Variants in DUSP19 observed in about 807,000 individuals in gnomAD.
DUSP19 encodes the protein dual specificity phosphatase 19.
Under a neutral mutation model 16.6 loss-of-function variants are expected in DUSP19, and 14 were observed. That is an observed-to-expected ratio of 0.84 (90% confidence interval 0.56 to 1.32). The LOEUF (loss-of-function observed/expected upper bound fraction) is 1.32. Among genes scored for constraint, DUSP19 ranks in the 40% most tolerant of loss-of-function variants. The probability of loss-of-function intolerance (pLI) is 0.00; values close to 1 mark genes in which losing one functional copy is unlikely to be tolerated. For missense variants in DUSP19, 258 were observed against 255.9 expected, an observed-to-expected ratio of 1.01 and a Z score of -0.06; for synonymous variants, 81 against 90.5, an observed-to-expected ratio of 0.90 and a Z score of 0.59.
At position 183,097,553 on chromosome 2, in the gene DUSP19, C is replaced by T. The variant is rs1426829011; in HGVS notation, c.*1895C>T. Reference sequence around the variant, plus strand: ...AGTTATGTTTTGAGATTGCTTACACCGTGACAAGATGCCATCACTTGTGAT... The same window carrying T: ...AGTTATGTTTTGAGATTGCTTACACTGTGACAAGATGCCATCACTTGTGAT... On this transcript the variant is annotated 3_prime_UTR_variant, in exon 4 of 4. Transcript: ENST00000354221. 12 of 152,080 alleles carry T rather than the reference C, an allele frequency of 7.9e-5. No individual in the cohort carries two copies. Among genetic ancestry groups the T allele is most frequent in the Admixed American group, 6.5e-4 (10 of 15,270 alleles). The allele number at this position is 152,080 out of a possible 1,614,324, so 9.4% of individuals were successfully genotyped here.
rs143859220 is a variant in DUSP19, at chr2:183,082,826, G to C, written c.227-682G>C. 3.6e-3 allele frequency among the ~76,000 whole-genome samples: 492 copies of C among 135,488 alleles called. 2 individuals carry two copies. The highest frequency in any genetic ancestry group is 0.012 in the African/African-American group (437 of 37,026). The allele number at this position is 135,488 out of a possible 152,430, so 88.9% of individuals were successfully genotyped here. ...TTCCCTTTTGTTCGTTCGTTCGTTC[G>C]TTCCTTCCTTCCTCCCTCCCTCCCT... On this transcript the variant is annotated intron_variant, in intron 1 of 3. Coordinates refer to ENST00000354221, the MANE Select transcript of DUSP19 (RefSeq NM_080876.4).
chr2:183,088,410 G>T (rs142050202), intron 3 of DUSP19, among the ~76,000 whole-genome samples: 756 of 117,838 alleles, frequency 6.4e-3, no homozygotes, highest in Middle Eastern at 0.023. Context: ...TTTTTTTTTT[G>T]TTTTTTTTTT....
intron 3 of DUSP19, among the ~76,000 whole-genome samples, chr2:183,093,628 T>A (rs56219690): frequency 0.044 from 6,773 of 152,208 alleles, 518 homozygotes; most frequent in African/African-American, 0.15. Flanking sequence ...AGAAAGTAGG[T>A]AAATTGAAAA....
intron 2 of DUSP19, among the ~76,000 whole-genome samples, chr2:183,085,888 CAG>C (rs1699655715): frequency 1.3e-5 from 1 of 78,540 alleles, no homozygotes; most frequent in Admixed American, 2.2e-4. Flanking sequence ...TTTTTTGAGG[CAG>C]AGTCTCGCTC....
At chr2:183,085,188 A>T in intron 2 of DUSP19, among the ~76,000 whole-genome samples, 1 of 152,190 alleles carries the variant, frequency 6.6e-6, no homozygotes, top group South Asian at 2.1e-4. Context: ...TACTGAAACC[A>T]TTAGAATAGA....
chr2:183,079,637 C>T (rs1056209372), intron 1 of DUSP19, among the ~76,000 whole-genome samples: 3 of 152,150 alleles, frequency 2.0e-5, no homozygotes, highest in Non-Finnish European at 2.9e-5. Flanking sequence ...CCTGTGGCCA[C>T]GTCTGTTCAT....
intron 3 of DUSP19, among the ~76,000 whole-genome samples, chr2:183,090,614 A>C (rs1178418719): frequency 6.6e-6 from 1 of 152,244 alleles, no homozygotes; most frequent in Non-Finnish European, 1.5e-5. Flanking sequence ...AGATATAAGC[A>C]TTGTTAGCAT....
Position 183,078,930 on chromosome 2 carries a change from T to C in DUSP19, c.-4T>C, listed in dbSNP as rs1699554145. ...TGTATTTGTTCCCAGCCACTGCTCATGTAATGTACTCCCTTAACCAGGAAA... is the reference window on the plus strand; with the variant it reads ...TGTATTTGTTCCCAGCCACTGCTCACGTAATGTACTCCCTTAACCAGGAAA... On this transcript the variant is annotated 5_prime_UTR_variant, in exon 1 of 4. It removes an upstream start codon present in the reference 5' UTR. Coordinates refer to ENST00000354221, the MANE Select transcript of DUSP19 (RefSeq NM_080876.4). The C allele has an allele frequency of 1.2e-6, 2 of 1,613,666 alleles. No individual in the cohort carries two copies. Among genetic ancestry groups the C allele is most frequent in the South Asian group, 2.2e-5 (2 of 91,042 alleles).
At chr2:183,082,092 A>C (rs982647606) in intron 1 of DUSP19, among the ~76,000 whole-genome samples, 2 of 152,180 alleles carry the variant, frequency 1.3e-5, no homozygotes, top group African/African-American at 4.8e-5. Flanking sequence ...CTAGTGATAC[A>C]TGGAGTGTGG....
At chr2:183,094,364 T>C (rs1699770161) in intron 3 of DUSP19, among the ~76,000 whole-genome samples, 1 of 152,210 alleles carries the variant, frequency 6.6e-6, no homozygotes, top group African/African-American at 2.4e-5. Flanking sequence ...TTCAGTAGTA[T>C]ATTTTTTCCC....
At chr2:183,082,103 G>A (rs1699599279) in intron 1 of DUSP19, among the ~76,000 whole-genome samples, 1 of 152,226 alleles carries the variant, frequency 6.6e-6, no homozygotes, top group Admixed American at 6.5e-5. Flanking sequence ...TGGAGTGTGG[G>A]TGGGATCCTG....
chr2:183,095,592 G>A lies in DUSP19; in HGVS notation c.588G>A (p.Gln196=). The A allele has an allele frequency of 6.2e-7, 1 of 1,613,982 alleles. No individual in the cohort carries two copies. Among genetic ancestry groups the A allele is most frequent in the Non-Finnish European group, 8.5e-7 (1 of 1,179,956 alleles). Residue 196 remains glutamine (Q), a synonymous_variant, in exon 4 of 4, where the codon CAG becomes CAA. Coordinates refer to ENST00000354221, the MANE Select transcript of DUSP19 (RefSeq NM_080876.4). ...SICPNSGFME[Q]LRTYQEGKES... Reference sequence around the variant, plus strand: ...GTCCAAATTCTGGCTTCATGGAGCAGCTTCGTACATATCAAGAGGGCAAAG... The same window carrying A: ...GTCCAAATTCTGGCTTCATGGAGCAACTTCGTACATATCAAGAGGGCAAAG...
In DUSP19 at chr2:183,085,864, T is replaced by G. The variant is rs1284049864; in HGVS notation, c.274-1176T>G. Among the ~76,000 whole-genome samples, 981 of 126,724 alleles carry G rather than the reference T, an allele frequency of 7.7e-3. 24 individuals carry two copies. The highest frequency in any genetic ancestry group is 0.028 in the African/African-American group (949 of 33,400). The allele number at this position is 126,724 out of a possible 152,430, so 83.1% of individuals were successfully genotyped here. Reference sequence around the variant, plus strand: ...GTTGTTAGGTTTTTTTTTTTTTTTTTTTTTTTTTTTTTTTTTTTTGAGGCA... The same window carrying G: ...GTTGTTAGGTTTTTTTTTTTTTTTTGTTTTTTTTTTTTTTTTTTTGAGGCA... On this transcript the variant is annotated intron_variant, in intron 2 of 3. Transcript: ENST00000354221.
In DUSP19 at chr2:183,097,617, G is replaced by A. The variant is rs1699820270; in HGVS notation, c.*1959G>A. On this transcript the variant is annotated 3_prime_UTR_variant, in exon 4 of 4. Coordinates refer to ENST00000354221, the MANE Select transcript of DUSP19 (RefSeq NM_080876.4). ...ATAAACTCTTTGCTTCTGCTAAGAAGCAGTCTAAATATAATCAACGTACAG... is the reference window on the plus strand; with the variant it reads ...ATAAACTCTTTGCTTCTGCTAAGAAACAGTCTAAATATAATCAACGTACAG... 1 of 152,136 alleles carries A rather than the reference G, an allele frequency of 6.6e-6. No homozygotes were observed. Among genetic ancestry groups the A allele is most frequent in the African/African-American group, 2.4e-5 (1 of 41,440 alleles). 9.4% of individuals were successfully genotyped at this position (152,136 alleles called of 1,614,324 possible).
intron 3 of DUSP19, among the ~76,000 whole-genome samples, chr2:183,093,395 A>C (rs765503779): frequency 6.6e-6 from 1 of 152,200 alleles, no homozygotes; most frequent in Admixed American, 6.5e-5. Context: ...TCATACCCTC[A>C]TTTCACTTGG....
intron 3 of DUSP19, among the ~76,000 whole-genome samples, chr2:183,090,268 A>G (rs966999937): frequency 6.6e-6 from 1 of 152,196 alleles, no homozygotes; most frequent in South Asian, 2.1e-4. Flanking sequence ...ACCGTTGCCA[A>G]ATGGAATGGA....
At position 183,096,940 on chromosome 2, in the gene DUSP19, A is replaced by G. The variant is rs2368335; in HGVS notation, c.*1282A>G. The G allele has an allele frequency of 0.56, 84,558 of 152,186 alleles. 26,255 individuals carry two copies. Among genetic ancestry groups the G allele is most frequent in the East Asian group, 0.9 (4,639 of 5,176 alleles). 9.4% of individuals were successfully genotyped at this position (152,186 alleles called of 1,614,324 possible). On this transcript the variant is annotated 3_prime_UTR_variant, in exon 4 of 4. Coordinates refer to ENST00000354221, the MANE Select transcript of DUSP19 (RefSeq NM_080876.4). ...GTATTTGAAGAACTGAGCTCTGTACATTATAAATTTGCTTAAAGATTTTGA... is the reference window on the plus strand; with the variant it reads ...GTATTTGAAGAACTGAGCTCTGTACGTTATAAATTTGCTTAAAGATTTTGA...
intron 2 of DUSP19, among the ~76,000 whole-genome samples, chr2:183,084,028 G>A (rs1012679764): frequency 1.3e-5 from 2 of 152,130 alleles, no homozygotes; most frequent in African/African-American, 4.8e-5. Context: ...TCAGGTCATG[G>A]AATTGCTGTA....
chr2:183,081,636 T>A, intron 1 of DUSP19, among the ~76,000 whole-genome samples: 1 of 152,204 alleles, frequency 6.6e-6, no homozygotes, highest in East Asian at 1.9e-4. Context: ...TTAAAAAAAA[T>A]TATGAAGTAT....
Sources: gnomAD v4.1 joint callset for allele counts (sites outside exome capture counted in the v4.1 genomes callset) on GRCh38, gnomAD v4.1.1 for gene constraint, MANE v1.5 for transcripts, NCBI Gene and HGNC (gene_info 2026-07-23, HGNC 2026-07-21) for gene names.